CAMTA1: variants seen among roughly 807,000 people sequenced by gnomAD.
CAMTA1 encodes calmodulin-binding transcription activator 1.
A neutral mutation model predicts 170.9 loss-of-function variants in CAMTA1; 27 were observed. The observed-to-expected ratio is 0.16, with a 90% CI of 0.12 to 0.22. The LOEUF (loss-of-function observed/expected upper bound fraction) is 0.22. CAMTA1 is among the 10% of genes least tolerant of loss of function. The pLI, the probability that CAMTA1 is intolerant of heterozygous loss-of-function variation, is 1.00. For missense variants in CAMTA1, 1,619 were observed against 2,217.2 expected (o/e 0.73, Z 5.42); for synonymous variants, 833 against 891.5 (o/e 0.93, Z 1.17).
chr1:7,490,054 G>A (rs751404201), intron 6 of CAMTA1, among the ~76,000 whole-genome samples: 7 of 152,166 alleles, frequency 4.6e-5, no homozygotes, highest in East Asian at 1.9e-4. Context: ...AGCCCTCCGC[G>A]GCAGCCTCTG....
At chr1:7,023,973 G>A (rs1557987281) in intron 3 of CAMTA1, among the ~76,000 whole-genome samples, 1 of 148,680 alleles carries the variant, frequency 6.7e-6, no homozygotes, top group Non-Finnish European at 1.5e-5. Context: ...AGCTTGCAGT[G>A]AGCCAAGATT....
rs529247691 is a variant in CAMTA1 at position 7,569,802 on chromosome 1, C to T, written c.511-70598C>T. ...TCACTACCACCATCACCATCATCAC[C>T]GCCACCATCACCAATCACCATCATT... On this transcript the variant is annotated intron_variant, in intron 6 of 22. Transcript: ENST00000303635. 2.8e-4 allele frequency among the ~76,000 whole-genome samples: 42 copies of T among 152,206 alleles called. No individual in the cohort carries two copies. The South Asian group carries it at 7.3e-3, about 26-fold the overall frequency.
chr1:7,368,967 T>C (rs1315773686), intron 5 of CAMTA1: 2 of 152,312 alleles, frequency 1.3e-5, no homozygotes, highest in Non-Finnish European at 2.9e-5. Flanking sequence ...ACCTTCCTCC[T>C]TCTGCTTCTG....
intron 6 of CAMTA1, among the ~76,000 whole-genome samples, chr1:7,553,341 G>A (rs2094833740): frequency 6.6e-6 from 1 of 152,194 alleles, no homozygotes; most frequent in Non-Finnish European, 1.5e-5. Context: ...AGGGCACACT[G>A]GCAGTGAGGG....
chr1:6,819,101 A>G (rs1477759218), intron 1 of CAMTA1, among the ~76,000 whole-genome samples: 1 of 148,588 alleles, frequency 6.7e-6, no homozygotes, highest in African/African-American at 2.5e-5. Context: ...CTACAGGCAC[A>G]AGCCACCATG....
chr1:7,345,043 G>A (rs2084128637), intron 5 of CAMTA1, among the ~76,000 whole-genome samples: 1 of 152,020 alleles, frequency 6.6e-6, no homozygotes, highest in Non-Finnish European at 1.5e-5. Context: ...GAGCCACCGC[G>A]CCCAGCCTCC....
intron 6 of CAMTA1, among the ~76,000 whole-genome samples, chr1:7,524,878 G>T (rs772438047): frequency 6.6e-6 from 1 of 152,062 alleles, no homozygotes; most frequent in Non-Finnish European, 1.5e-5. Flanking sequence ...CCCCTTGGCT[G>T]AGCCTTCTGT....
intron 4 of CAMTA1, among the ~76,000 whole-genome samples, chr1:7,225,902 C>T (rs1258815096): frequency 1.3e-5 from 2 of 152,280 alleles, no homozygotes; most frequent in Non-Finnish European, 2.9e-5. Flanking sequence ...CAGCAGCGAA[C>T]CTTTCCGAGC....
intron 3 of CAMTA1, among the ~76,000 whole-genome samples, chr1:6,913,917 A>C (rs1557816274): frequency 6.6e-6 from 1 of 152,092 alleles, no homozygotes; most frequent in Non-Finnish European, 1.5e-5. Context: ...TGTCTGGAGC[A>C]CAGGATTTCC....
intron 3 of CAMTA1, among the ~76,000 whole-genome samples, chr1:6,836,275 A>G (rs556569590): frequency 1.7e-4 from 26 of 152,352 alleles, no homozygotes; most frequent in African/African-American, 5.5e-4. Context: ...ACAAAAAGAA[A>G]TCCTTTCTAG....
chr1:7,276,682 C>G (rs1460478314), intron 5 of CAMTA1, among the ~76,000 whole-genome samples: 1 of 152,078 alleles, frequency 6.6e-6, no homozygotes, highest in Non-Finnish European at 1.5e-5. Context: ...TCCACTTTCA[C>G]TGCTTCTATT....
At chr1:6,786,084 G>C (rs1247546937) in intron 1 of CAMTA1, among the ~76,000 whole-genome samples, 1 of 151,702 alleles carries the variant, frequency 6.6e-6, no homozygotes, top group African/African-American at 2.4e-5. Flanking sequence ...GCCCTCGCCG[G>C]CCCCCTGCTC....
intron 5 of CAMTA1, among the ~76,000 whole-genome samples, chr1:7,427,491 G>A (rs984652356): frequency 6.6e-6 from 1 of 152,184 alleles, no homozygotes; most frequent in African/African-American, 2.4e-5. Flanking sequence ...ATTGGAATGT[G>A]AAGATTTAGT....
chr1:7,711,501 C>A (rs940426689), intron 11 of CAMTA1, among the ~76,000 whole-genome samples: 4 of 152,294 alleles, frequency 2.6e-5, no homozygotes, highest in Admixed American at 2.0e-4. Context: ...AAAACACCAT[C>A]CTGAAGCTAC....
At chr1:7,100,662 C>T (rs544776730) in intron 4 of CAMTA1, among the ~76,000 whole-genome samples, 22 of 152,334 alleles carry the variant, frequency 1.4e-4, no homozygotes, top group Admixed American at 1.4e-3. Flanking sequence ...GTGCGCAGCC[C>T]GACCCACACC....
intron 5 of CAMTA1, among the ~76,000 whole-genome samples, chr1:7,430,982 G>A (rs895272679): frequency 1.5e-4 from 23 of 152,140 alleles, no homozygotes; most frequent in African/African-American, 5.3e-4. Flanking sequence ...TCTCTGTATT[G>A]TGGAGATATT....
chr1:7,687,240 A>G (rs1212903395), intron 11 of CAMTA1, among the ~76,000 whole-genome samples: 2 of 151,416 alleles, frequency 1.3e-5, no homozygotes, highest in African/African-American at 4.9e-5. Flanking sequence ...CTGGCCAAGG[A>G]GGGAGGGGGA....
intron 11 of CAMTA1, among the ~76,000 whole-genome samples, chr1:7,727,866 G>A (rs577836796): frequency 1.3e-5 from 2 of 152,342 alleles, no homozygotes; most frequent in East Asian, 1.9e-4. Flanking sequence ...CCCTGGCCCC[G>A]TGCAGAGGAA....
At chr1:7,380,802 C>G (rs1489628130) in intron 5 of CAMTA1, among the ~76,000 whole-genome samples, 2 of 152,204 alleles carry the variant, frequency 1.3e-5, no homozygotes, top group East Asian at 3.8e-4. Context: ...AACTACCTTG[C>G]CTGGTCCACC....
Sources: gnomAD v4.1 joint callset for allele counts (sites outside exome capture counted in the v4.1 genomes callset) on GRCh38, gnomAD v4.1.1 for gene constraint, MANE v1.5 for transcripts, NCBI Gene and HGNC (gene_info 2026-07-23, HGNC 2026-07-21) for gene names.